Variants in MAN1C1 observed in about 807,000 individuals in gnomAD.
MAN1C1 encodes the protein mannosidase alpha class 1C member 1, also known as mannosyl-oligosaccharide 1,2-alpha-mannosidase IC.
In MAN1C1, 49 loss-of-function variants were observed where a neutral mutation model predicts 71.5. The observed-to-expected ratio is 0.69, with a 90% CI of 0.54 to 0.87. The LOEUF is 0.87. MAN1C1 is among the 40% of genes least tolerant of loss of function. The pLI is 0.00. For missense variants in MAN1C1, 743 were observed against 835.0 expected (o/e 0.89, Z 1.36); for synonymous variants, 352 against 343.7 (o/e 1.02, Z -0.27).
chr1:25,769,451 T>G lies in MAN1C1; in HGVS notation c.1142-2206T>G, dbSNP rs1425636666. Among the ~76,000 whole-genome samples, 1 of 152,032 alleles carries G rather than the reference T, an allele frequency of 6.6e-6. No individual in the cohort carries two copies. Among genetic ancestry groups the G allele is most frequent in the African/African-American group, 2.4e-5 (1 of 41,348 alleles). ...GACTTTCACATGTGAGATGCCCACA[T>G]AAGTGCCCCTGAGAGGCAGCTGCAT... On this transcript the variant is annotated intron_variant, in intron 7 of 11. Coordinates refer to ENST00000374332, the MANE Select transcript of MAN1C1 (RefSeq NM_020379.4). The surrounding 1 kb of genome is among the most constrained non-coding windows in gnomAD (Gnocchi z 4.8).
At chr1:25,728,113 T>A (rs1215226303) in intron 2 of MAN1C1, among the ~76,000 whole-genome samples, 2 of 152,210 alleles carry the variant, frequency 1.3e-5, no homozygotes, top group South Asian at 2.1e-4. Context: ...GCGGCTCAGC[T>A]ATTTGAGGAG....
chr1:25,756,458 G>GT (rs1186985420), intron 5 of MAN1C1, among the ~76,000 whole-genome samples: 1 of 102,146 alleles, frequency 9.8e-6, no homozygotes, highest in African/African-American at 2.7e-5. Context: ...AGAGGCCCAT[G>GT]TGGGGGAAAA....
intron 1 of MAN1C1, among the ~76,000 whole-genome samples, chr1:25,654,732 C>T (rs572323881): frequency 5.6e-4 from 85 of 152,078 alleles, no homozygotes; most frequent in Middle Eastern, 3.4e-3. Flanking sequence ...CTGCAACCTC[C>T]GCCTCCTGGG....
intron 1 of MAN1C1, among the ~76,000 whole-genome samples, chr1:25,636,287 C>A (rs1456214789): frequency 2.6e-5 from 4 of 152,014 alleles, no homozygotes; most frequent in Non-Finnish European, 5.9e-5. Context: ...GAGTTTTTTC[C>A]CCACCCTAAT....
chr1:25,637,222 A>C (rs2124757654), intron 1 of MAN1C1, among the ~76,000 whole-genome samples: 1 of 152,324 alleles, frequency 6.6e-6, no homozygotes, highest in African/African-American at 2.4e-5. Flanking sequence ...TTTTCTAAGA[A>C]TCAACTTTTA....
rs1003427196 is a variant in MAN1C1 at position 25,618,144 on chromosome 1, G to T, written c.347G>T (p.Gly116Val). ...KGGLRRTRPT[G>V]PREEATAARG... ...GGGCTGCGGCGCACCCGCCCCACTG[G>T]ACCCCGCGAGGAGGCCACGGCGGCC... The change falls in exon 1 of 12, where the codon GGA becomes GTA. Residue 116 changes from glycine (G) to valine (V), a missense_variant. By Grantham distance (109) the Gly-to-Val change is moderately radical. Transcript: ENST00000374332. The T allele has an allele frequency of 2.6e-6, 4 of 1,535,220 alleles. No homozygotes were observed. The African/African-American group carries it at 5.6e-5, about 22-fold the overall frequency.
At chr1:25,766,523 C>T (rs190111004) in intron 7 of MAN1C1, among the ~76,000 whole-genome samples, 19 of 152,252 alleles carry the variant, frequency 1.2e-4, no homozygotes, top group Admixed American at 7.2e-4. Flanking sequence ...CCTAGAGAAA[C>T]GAAGGAGGAG....
chr1:25,710,068 GC>G (rs1216193194), intron 2 of MAN1C1: 2 of 152,232 alleles, frequency 1.3e-5, no homozygotes, highest in East Asian at 3.9e-4. Flanking sequence ...TTCTTGTTGA[GC>G]CCCTGGAAGT....
intron 7 of MAN1C1, among the ~76,000 whole-genome samples, chr1:25,767,334 C>CA (rs2047444930): frequency 7.2e-6 from 1 of 139,150 alleles, no homozygotes; most frequent in Non-Finnish European, 1.6e-5. Context: ...CACACTCCCC[C>CA]CACACACAGA....
intron 1 of MAN1C1, among the ~76,000 whole-genome samples, chr1:25,629,019 A>G (rs1401270291): frequency 6.6e-6 from 1 of 152,206 alleles, no homozygotes; most frequent in South Asian, 2.1e-4. Context: ...GGTTGGTCCC[A>G]TATCTTTGCA....
intron 1 of MAN1C1, among the ~76,000 whole-genome samples, chr1:25,679,930 T>G (rs1191731537): frequency 1.5e-5 from 2 of 129,972 alleles, no homozygotes; most frequent in African/African-American, 6.2e-5. Flanking sequence ...CAGCAAGACC[T>G]CTGTCTCAAA....
intron 1 of MAN1C1, among the ~76,000 whole-genome samples, chr1:25,676,282 T>A (rs2046066720): frequency 6.6e-6 from 1 of 152,112 alleles, no homozygotes; most frequent in South Asian, 2.1e-4. Context: ...TTTCAATAGC[T>A]TGAGTAAACC....
rs539325403 is a variant in MAN1C1, at chr1:25,762,193, T to C, written c.1048-1681T>C. 2.7e-5 allele frequency among the ~76,000 whole-genome samples: 4 copies of C among 149,354 alleles called. No homozygotes were observed. In the East Asian group the frequency reaches 7.9e-4, roughly 29 times the overall value. ...CCAGGCTAAAGTGGAGTGGCACGAT[T>C]ATAGCTCACTCCAGCCTCAATCTCC... On this transcript the variant is annotated intron_variant, in intron 6 of 11. Transcript: ENST00000374332.
At chr1:25,748,412 A>G (rs1410390100) in intron 3 of MAN1C1, among the ~76,000 whole-genome samples, 1 of 152,164 alleles carries the variant, frequency 6.6e-6, no homozygotes, top group Non-Finnish European at 1.5e-5. Context: ...AAGCATGCTG[A>G]GGGAACCCTC....
At chr1:25,767,803 C>G (rs1238570158) in intron 7 of MAN1C1, among the ~76,000 whole-genome samples, 1 of 139,590 alleles carries the variant, frequency 7.2e-6, no homozygotes, top group Admixed American at 7.1e-5. Flanking sequence ...TTACACACTC[C>G]CCTCACGTAC....
intron 1 of MAN1C1, among the ~76,000 whole-genome samples, chr1:25,683,985 C>G (rs900137162): frequency 6.6e-6 from 1 of 152,172 alleles, no homozygotes; most frequent in African/African-American, 2.4e-5. Context: ...AAACGGGCCA[C>G]GTTCCAAACC....
intron 2 of MAN1C1, among the ~76,000 whole-genome samples, chr1:25,694,571 A>C (rs2046346701): frequency 6.6e-6 from 1 of 152,228 alleles, no homozygotes; most frequent in Non-Finnish European, 1.5e-5. Context: ...ATGATGTTGA[A>C]GAGGGAATAA....
intron 1 of MAN1C1, among the ~76,000 whole-genome samples, chr1:25,660,796 T>C (rs1210465111): frequency 6.6e-6 from 1 of 151,756 alleles, no homozygotes; most frequent in African/African-American, 2.4e-5. Context: ...GCTCAAGGGG[T>C]CCTCCCACCT....
chr1:25,633,693 A>C (rs571506112), intron 1 of MAN1C1, among the ~76,000 whole-genome samples: 1 of 152,268 alleles, frequency 6.6e-6, no homozygotes, highest in Non-Finnish European at 1.5e-5. Flanking sequence ...GAGTCTCTTA[A>C]AGACAGCAGA....
Sources: allele counts gnomAD v4.1 joint callset (sites outside exome capture counted in the v4.1 genomes callset), GRCh38; gene constraint gnomAD v4.1.1; non-coding constraint Gnocchi (gnomAD v3.1); transcripts MANE v1.5; gene names NCBI Gene and HGNC (gene_info 2026-07-23, HGNC 2026-07-21).